DPYD: variants seen among roughly 807,000 people sequenced by gnomAD.
DPYD encodes the protein dihydropyrimidine dehydrogenase.
In DPYD, 109 loss-of-function variants were observed where a neutral mutation model predicts 116.2. The ratio of observed to expected loss-of-function variants is 0.94; its 90% CI spans 0.80 to 1.10. The LOEUF is 1.10. Ranked by LOEUF, DPYD falls within the 50% of genes least tolerant of loss-of-function variation. DPYD has a pLI of 0.00. For synonymous variants in DPYD, 440 were observed against 432.0 expected, an observed-to-expected ratio of 1.02 and a Z score of -0.23; for missense variants, 1,302 against 1,254.5, an observed-to-expected ratio of 1.04 and a Z score of -0.57.
chr1:97,186,084 G>T (rs1042463143), intron 20 of DPYD, among the ~76,000 whole-genome samples: 8 of 152,066 alleles, frequency 5.3e-5, no homozygotes, highest in Non-Finnish European at 1.0e-4. Context: ...TTTTGGTAAG[G>T]GTCTTGCTGT....
At chr1:97,748,940 G>A (rs925298512) in intron 3 of DPYD, among the ~76,000 whole-genome samples, 13 of 152,144 alleles carry the variant, frequency 8.5e-5, no homozygotes, top group Non-Finnish European at 1.5e-4. Flanking sequence ...TTTGAAAATG[G>A]CTACATTCTA....
At chr1:97,813,135 A>T (rs537557219) in intron 3 of DPYD, among the ~76,000 whole-genome samples, 18 of 152,268 alleles carry the variant, frequency 1.2e-4, no homozygotes, top group Admixed American at 4.6e-4. Flanking sequence ...ATTATTTAAT[A>T]TAGCTTCCTC....
intron 2 of DPYD, among the ~76,000 whole-genome samples, chr1:97,829,424 C>T (rs948789504): frequency 3.3e-5 from 5 of 151,972 alleles, no homozygotes; most frequent in Non-Finnish European, 7.4e-5. Context: ...AATGAATCTA[C>T]AATAATTAAA....
At chr1:97,860,129 G>C (rs1439363169) in intron 2 of DPYD, among the ~76,000 whole-genome samples, 1 of 152,030 alleles carries the variant, frequency 6.6e-6, no homozygotes, top group Non-Finnish European at 1.5e-5. Context: ...GATCACTTGA[G>C]TCCAAGAGTT....
intron 14 of DPYD, among the ~76,000 whole-genome samples, chr1:97,415,896 G>A (rs1674262971): frequency 6.6e-6 from 1 of 152,044 alleles, no homozygotes; most frequent in African/African-American, 2.4e-5. Flanking sequence ...GTCTTCCCAA[G>A]AAGTTTATAC....
At chr1:97,767,755 CTTTTTTT>C (rs34390188) in intron 3 of DPYD, among the ~76,000 whole-genome samples, 6 of 112,486 alleles carry the variant, frequency 5.3e-5, no homozygotes, top group Non-Finnish European at 7.3e-5. Context: ...TTGGGGCTGG[CTTTTTTT>C]TTTTTTTTTT....
chr1:97,724,661 G>A (rs1353921430), intron 4 of DPYD, among the ~76,000 whole-genome samples: 1 of 151,376 alleles, frequency 6.6e-6, no homozygotes, highest in Non-Finnish European at 1.5e-5. Context: ...ACCTACACTT[G>A]GGAGGGCTAT....
intron 19 of DPYD, among the ~76,000 whole-genome samples, chr1:97,196,352 G>A (rs913117298): frequency 2.6e-5 from 4 of 152,072 alleles, no homozygotes; most frequent in African/African-American, 9.7e-5. Context: ...CTGAGCTCAA[G>A]CAATCCGCCC....
chr1:97,724,570 C>T (rs1663127991), intron 4 of DPYD, among the ~76,000 whole-genome samples: 1 of 151,408 alleles, frequency 6.6e-6, no homozygotes, highest in Non-Finnish European at 1.5e-5. Context: ...CAAAGGTAGT[C>T]AGACAGGAAG....
chr1:97,492,242 T>C (rs148063486), intron 13 of DPYD, among the ~76,000 whole-genome samples: 123 of 152,274 alleles, frequency 8.1e-4, no homozygotes, highest in Non-Finnish European at 1.3e-3. Context: ...TTTGATATAA[T>C]GTAATTTTTT....
intron 19 of DPYD, among the ~76,000 whole-genome samples, chr1:97,211,495 A>AT (rs1261280159): frequency 2.0e-5 from 3 of 152,188 alleles, no homozygotes; most frequent in African/African-American, 7.2e-5. Context: ...TGACCACTAC[A>AT]TAATACACTG....
rs528664431 is a variant in DPYD, at chr1:97,500,437, T to C, written c.1740+15289A>G. Among the ~76,000 whole-genome samples, 43 of 152,168 alleles carry C rather than the reference T, an allele frequency of 2.8e-4. No homozygotes were observed. In the South Asian group the frequency reaches 3.5e-3, roughly 12 times the overall value. On this transcript the variant is annotated intron_variant, in intron 13 of 22. Coordinates refer to ENST00000370192, the MANE Select transcript of DPYD (RefSeq NM_000110.4). ...TTCACAGTGATATATAAATTAATAA[T>C]TAAATAATGAATTCAAAGCTCTTAT...
chr1:97,449,088 G>C (rs551699439), intron 14 of DPYD, among the ~76,000 whole-genome samples: 28 of 152,060 alleles, frequency 1.8e-4, no homozygotes, highest in African/African-American at 6.3e-4. Context: ...GCAATCATGT[G>C]ATTTCTATAT....
At chr1:97,666,037 T>C (rs1659538356) in intron 8 of DPYD, among the ~76,000 whole-genome samples, 1 of 152,232 alleles carries the variant, frequency 6.6e-6, no homozygotes, top group Admixed American at 6.5e-5. Flanking sequence ...GTATATTTTC[T>C]TTTTTCTTAA....
At chr1:97,140,503 C>G (rs1168517488) in intron 20 of DPYD, among the ~76,000 whole-genome samples, 3 of 152,110 alleles carry the variant, frequency 2.0e-5, no homozygotes, top group Non-Finnish European at 2.9e-5. Flanking sequence ...GAGTTGGCAC[C>G]TGCCCTGATT....
At chr1:97,465,438 G>C (rs1557730903) in intron 13 of DPYD, among the ~76,000 whole-genome samples, 1 of 152,176 alleles carries the variant, frequency 6.6e-6, no homozygotes, top group Admixed American at 6.5e-5. Context: ...GTTTGGCTGT[G>C]TCTCCACCCA....
intron 5 of DPYD, among the ~76,000 whole-genome samples, chr1:97,715,503 C>G (rs986671584): frequency 3.3e-5 from 5 of 152,102 alleles, no homozygotes; most frequent in African/African-American, 1.2e-4. Flanking sequence ...TGATCAATGC[C>G]CAATCAATGT....
chr1:97,375,391 G>A (rs1671556003), intron 15 of DPYD, among the ~76,000 whole-genome samples: 1 of 152,010 alleles, frequency 6.6e-6, no homozygotes, highest in Non-Finnish European at 1.5e-5. Flanking sequence ...GTCATTAATC[G>A]GTTGATAGTC....
intron 14 of DPYD, among the ~76,000 whole-genome samples, chr1:97,422,878 G>C (rs1045041334): frequency 2.6e-5 from 4 of 151,980 alleles, no homozygotes; most frequent in Admixed American, 1.3e-4. Flanking sequence ...TAAATAAGTG[G>C]CCTGTAATAC....
Sources: gnomAD v4.1 joint callset for allele counts (sites outside exome capture counted in the v4.1 genomes callset) on GRCh38, gnomAD v4.1.1 for gene constraint, MANE v1.5 for transcripts, NCBI Gene and HGNC (gene_info 2026-07-23, HGNC 2026-07-21) for gene names.